Variants in SRGAP3 observed in about 807,000 individuals in gnomAD.
SRGAP3 encodes SLIT-ROBO Rho GTPase activating protein 3, also known as SLIT-ROBO Rho GTPase-activating protein 3.
In SRGAP3, 39 loss-of-function variants were observed where a neutral mutation model predicts 121.1. The observed-to-expected ratio is 0.32, with a 90% CI of 0.25 to 0.42. SRGAP3 has a LOEUF of 0.42. SRGAP3 is among the 10% of genes least tolerant of loss of function. The pLI is 1.00. For missense variants in SRGAP3, 1,213 were observed against 1,470.6 expected (o/e 0.82, Z 2.86); for synonymous variants, 601 against 570.0 (o/e 1.05, Z -0.77).
chr3:9,320,228 A>G (rs1273731477), intron 3 of SRGAP3, among the ~76,000 whole-genome samples: 1 of 151,930 alleles, frequency 6.6e-6, no homozygotes, highest in Admixed American at 6.5e-5. Flanking sequence ...AGCTTCCCTG[A>G]GAATAAAGCC....
chr3:9,302,201 C>T (rs901845750), intron 3 of SRGAP3, among the ~76,000 whole-genome samples: 4 of 152,114 alleles, frequency 2.6e-5, no homozygotes, highest in Admixed American at 1.3e-4. Flanking sequence ...TAAGGGGAGG[C>T]CAAGGGTTTC....
intron 3 of SRGAP3, among the ~76,000 whole-genome samples, chr3:9,283,567 T>A (rs188852305): frequency 6.6e-6 from 1 of 152,330 alleles, no homozygotes; most frequent in East Asian, 1.9e-4. Flanking sequence ...AAAGCTTGAA[T>A]GGGATCTTTG....
At chr3:9,004,112 G>A (rs1445654542) in intron 18 of SRGAP3, among the ~76,000 whole-genome samples, 1 of 151,920 alleles carries the variant, frequency 6.6e-6, no homozygotes, top group Non-Finnish European at 1.5e-5. Context: ...CAATTCAAAA[G>A]TGAAATTAAG....
chr3:9,283,500 C>A (rs901099161), intron 3 of SRGAP3, among the ~76,000 whole-genome samples: 1 of 152,154 alleles, frequency 6.6e-6, no homozygotes, highest in African/African-American at 2.4e-5. Flanking sequence ...TAATTTAAGT[C>A]TTTAAGTATT....
At chr3:9,301,455 G>A (rs961773516) in intron 3 of SRGAP3, among the ~76,000 whole-genome samples, 5 of 152,334 alleles carry the variant, frequency 3.3e-5, no homozygotes, top group Middle Eastern at 6.8e-3. Flanking sequence ...AGAGGCCTCT[G>A]TGTCAGTCAA....
chr3:9,163,067 T>C (rs1360062957), intron 1 of SRGAP3, among the ~76,000 whole-genome samples: 1 of 152,208 alleles, frequency 6.6e-6, no homozygotes, highest in Non-Finnish European at 1.5e-5. Flanking sequence ...ATGAAGACTA[T>C]GTGGGCTGAT....
At chr3:9,227,385 G>A (rs1354319903) in intron 1 of SRGAP3, among the ~76,000 whole-genome samples, 12 of 152,146 alleles carry the variant, frequency 7.9e-5, no homozygotes, top group Non-Finnish European at 1.3e-4. Context: ...ATAACAGAGC[G>A]CACTTATTGA....
At chr3:9,148,446 C>G (rs1414363030) in intron 1 of SRGAP3, among the ~76,000 whole-genome samples, 5 of 152,206 alleles carry the variant, frequency 3.3e-5, no homozygotes, top group Non-Finnish European at 2.9e-5. Flanking sequence ...GAACAGTTTA[C>G]TCCCAACCAT....
Position 8,982,997 on chromosome 3 carries a change from A to C in SRGAP3, c.*2522T>G. 1 of 229,186 alleles carries C rather than the reference A, an allele frequency of 4.4e-6. No individual in the cohort carries two copies. The highest frequency in any genetic ancestry group is 8.7e-6 in the Non-Finnish European group (1 of 115,490). The allele number at this position is 229,186 out of a possible 1,614,324, so 14.2% of individuals were successfully genotyped here. ...ATTGGTGTTATGTATATCAGGCAAC[A>C]GATTTTTCTACTCTGATTGTTGCTT... On this transcript the variant is annotated 3_prime_UTR_variant, in exon 22 of 22. Transcript: ENST00000383836.
At chr3:9,096,960 T>TATATATATATATACACATAC (rs2124881053) in intron 3 of SRGAP3, among the ~76,000 whole-genome samples, 1 of 104,160 alleles carries the variant, frequency 9.6e-6, no homozygotes, top group Admixed American at 9.2e-5. Context: ...TATATATATA[T>TATATATATATATACACATAC]ATATATATAT....
chr3:9,325,871 A>G (rs1955509323), intron 3 of SRGAP3: 1 of 151,980 alleles, frequency 6.6e-6, no homozygotes, highest in Non-Finnish European at 1.5e-5. Flanking sequence ...TATTGTTCAT[A>G]GAGGCATAAA....
rs766581961 is a variant in SRGAP3 at position 8,990,575 on chromosome 3, G to A, written c.2823C>T (p.Cys941=). 3.7e-5 allele frequency: 59 copies of A among 1,590,160 alleles called. No individual in the cohort carries two copies. The highest frequency in any genetic ancestry group is 1.7e-4 in the Middle Eastern group (1 of 5,902). The change falls in exon 21 of 22, where the codon TGC becomes TGT. Residue 941 remains cysteine, a synonymous_variant. Transcript: ENST00000383836. ...LSEGHSMRST[C]GSTRHSSLGD... ...CTAGGCTGCTGTGCCTGGTGGAACCGCAGGTCGACCTCATCGAGTGCCCTT... is the reference window on the plus strand; with the variant it reads ...CTAGGCTGCTGTGCCTGGTGGAACCACAGGTCGACCTCATCGAGTGCCCTT...
chr3:9,281,424 T>A (rs1954674833), intron 3 of SRGAP3, among the ~76,000 whole-genome samples: 1 of 152,104 alleles, frequency 6.6e-6, no homozygotes, highest in African/African-American at 2.4e-5. Flanking sequence ...GGACTCCTGG[T>A]TAAGGCTACT....
chr3:9,344,233 T>C (rs1955844764), intron 1 of SRGAP3, among the ~76,000 whole-genome samples: 1 of 152,154 alleles, frequency 6.6e-6, no homozygotes, highest in South Asian at 2.1e-4. Context: ...GGCGGGCGGA[T>C]CACCTGAGGT....
chr3:9,058,669 C>A, intron 6 of SRGAP3, 197 bp from the exon 7 acceptor site: 1 of 566,306 alleles, frequency 1.8e-6, no homozygotes. Flanking sequence ...GAGATTTGGG[C>A]AATAGCAGAA....
At chr3:9,313,340 C>T (rs1955282314) in intron 3 of SRGAP3, among the ~76,000 whole-genome samples, 1 of 152,216 alleles carries the variant, frequency 6.6e-6, no homozygotes, top group African/African-American at 2.4e-5. Context: ...AGCCCTTTCC[C>T]TGTCAGTTCC....
chr3:9,172,133 G>A (rs2125101220), intron 1 of SRGAP3, among the ~76,000 whole-genome samples: 1 of 126,898 alleles, frequency 7.9e-6, no homozygotes, highest in Middle Eastern at 5.0e-3. Context: ...TCGCTCTGTT[G>A]CCTAGGCTGG....
At chr3:9,056,475 A>C (rs1167404925) in intron 7 of SRGAP3, 141 bp from the exon 8 acceptor site, 7 of 860,824 alleles carry the variant, frequency 8.1e-6, no homozygotes, top group Non-Finnish European at 1.1e-5. Flanking sequence ...GCTCAAGGTC[A>C]CAGAGCTCAT....
rs576807844 is a variant in SRGAP3, at chr3:8,981,779, C to T, written c.*3740G>A. The T allele has an allele frequency of 2.6e-5, 6 of 229,854 alleles. No homozygotes were observed. The East Asian group carries it at 3.1e-4, about 12-fold the overall frequency. The allele number at this position is 229,854 out of a possible 1,614,324, so 14.2% of individuals were successfully genotyped here. ...ATGGCTCAATTTCCCTGTGTCTCTT[C>T]CCACTCCGATTTCTTCATTGAATAG... On this transcript the variant is annotated 3_prime_UTR_variant, in exon 22 of 22. Coordinates refer to ENST00000383836, the MANE Select transcript of SRGAP3 (RefSeq NM_014850.4).
Sources: allele counts gnomAD v4.1 joint callset (sites outside exome capture counted in the v4.1 genomes callset), GRCh38; gene constraint gnomAD v4.1.1; transcripts MANE v1.5; gene names NCBI Gene and HGNC (gene_info 2026-07-23, HGNC 2026-07-21).